The following ROBO2 variants were observed in gnomAD, a reference collection of about 807,000 sequenced individuals.
ROBO2 encodes the protein roundabout homolog 2.
ROBO2 carries 53 observed loss-of-function variants against 160.8 expected under a neutral mutation model. The ratio of observed to expected loss-of-function variants is 0.33; its 90% confidence interval spans 0.26 to 0.41. The LOEUF is 0.41. Among genes scored for constraint, ROBO2 ranks in the 10% least tolerant of loss-of-function variants. The probability of loss-of-function intolerance (pLI) is 1.00; values close to 1 mark genes in which losing one functional copy is unlikely to be tolerated. For missense variants in ROBO2, 1,577 were observed against 1,722.4 expected (o/e 0.92, Z 1.49); for synonymous variants, 664 against 611.7 (o/e 1.09, Z -1.26).
intron 2 of ROBO2, among the ~76,000 whole-genome samples, chr3:76,990,586 C>G (rs111562002): frequency 5.2e-3 from 793 of 152,222 alleles, no homozygotes; most frequent in Non-Finnish European, 9.7e-3. Flanking sequence ...CTCCCTCTGG[C>G]CCCCCAACAC....
At chr3:76,219,970 A>G (rs1290100822) in intron 2 of ROBO2, among the ~76,000 whole-genome samples, 5 of 152,028 alleles carry the variant, frequency 3.3e-5, no homozygotes, top group African/African-American at 1.2e-4. Flanking sequence ...AATGTGGCAC[A>G]TATACACCAT....
chr3:76,257,226 T>C (rs932345735), intron 2 of ROBO2, among the ~76,000 whole-genome samples: 27 of 152,180 alleles, frequency 1.8e-4, no homozygotes, highest in African/African-American at 5.5e-4. Context: ...AACCAAAATA[T>C]GCAATTGATC....
intron 2 of ROBO2, among the ~76,000 whole-genome samples, chr3:76,914,593 C>G (rs144020174): frequency 6.6e-6 from 1 of 152,036 alleles, no homozygotes; most frequent in Non-Finnish European, 1.5e-5. Context: ...TTCTCAGTAG[C>G]TTATAAGCTT....
At chr3:76,509,256 T>C (rs571019500) in intron 2 of ROBO2, among the ~76,000 whole-genome samples, 4 of 152,254 alleles carry the variant, frequency 2.6e-5, no homozygotes, top group African/African-American at 9.6e-5. Context: ...AGCCCCACTC[T>C]CTGAGAAAGA....
intron 2 of ROBO2, among the ~76,000 whole-genome samples, chr3:76,504,128 G>C (rs1341107730): frequency 6.6e-6 from 1 of 152,288 alleles, no homozygotes; most frequent in East Asian, 1.9e-4. Context: ...GGGTGGCACA[G>C]TATGTAATGA....
intron 2 of ROBO2, among the ~76,000 whole-genome samples, chr3:76,614,747 T>G (rs1290678364): frequency 6.6e-6 from 1 of 152,134 alleles, no homozygotes; most frequent in East Asian, 1.9e-4. Flanking sequence ...AAATTCAAAT[T>G]GGCTAATAAA....
At chr3:77,418,138 A>AT (rs200656727) in intron 2 of ROBO2, among the ~76,000 whole-genome samples, 4,173 of 147,008 alleles carry the variant, frequency 0.028, 89 homozygotes, top group East Asian at 0.08. Flanking sequence ...ACATCCTTAT[A>AT]TTTTTTTTAC....
At chr3:76,832,356 A>G (rs928278581) in intron 2 of ROBO2, among the ~76,000 whole-genome samples, 1 of 152,224 alleles carries the variant, frequency 6.6e-6, no homozygotes, top group African/African-American at 2.4e-5. Context: ...ACACTTATTA[A>G]TGGCAAAGAT....
intron 2 of ROBO2, among the ~76,000 whole-genome samples, chr3:75,964,619 T>C (rs960417933): frequency 6.6e-6 from 1 of 151,652 alleles, no homozygotes; most frequent in Non-Finnish European, 1.5e-5. Flanking sequence ...GCAGATGCTT[T>C]AGACAACATG....
At chr3:77,418,350 T>C (rs1255606974) in intron 2 of ROBO2, among the ~76,000 whole-genome samples, 2 of 152,160 alleles carry the variant, frequency 1.3e-5, no homozygotes, top group Admixed American at 1.3e-4. Flanking sequence ...GATGCATCCA[T>C]TTTCCAAATC....
At chr3:76,482,655 A>G (rs2079275750) in intron 2 of ROBO2, among the ~76,000 whole-genome samples, 1 of 152,122 alleles carries the variant, frequency 6.6e-6, no homozygotes, top group Non-Finnish European at 1.5e-5. Context: ...CATGTCATGT[A>G]TGGACAACTC....
intron 2 of ROBO2, among the ~76,000 whole-genome samples, chr3:76,649,443 T>C (rs1296579168): frequency 6.6e-6 from 1 of 152,086 alleles, no homozygotes; most frequent in African/African-American, 2.4e-5. Context: ...GATTCAGGTG[T>C]TGTTGCTGGT....
chr3:77,238,669 T>C (rs1223404761), intron 2 of ROBO2, among the ~76,000 whole-genome samples: 1 of 152,218 alleles, frequency 6.6e-6, no homozygotes, highest in Non-Finnish European at 1.5e-5. Context: ...GTTCATTTAG[T>C]AGGCTAAAGC....
chr3:76,776,132 T>C (rs976823888), intron 2 of ROBO2, among the ~76,000 whole-genome samples: 1 of 150,966 alleles, frequency 6.6e-6, no homozygotes, highest in African/African-American at 2.4e-5. Flanking sequence ...TTTGAGATTC[T>C]AACCAAAGCA....
chr3:76,973,467 A>G (rs2059668590), intron 2 of ROBO2, among the ~76,000 whole-genome samples: 1 of 152,094 alleles, frequency 6.6e-6, no homozygotes, highest in African/African-American at 2.4e-5. Flanking sequence ...TATCATAGAA[A>G]GAATAATTAT....
intron 2 of ROBO2, among the ~76,000 whole-genome samples, chr3:76,914,957 AAAGG>A (rs1389724584): frequency 1.3e-5 from 2 of 152,350 alleles, no homozygotes; most frequent in African/African-American, 4.8e-5. Context: ...AGGTGACTAT[AAAGG>A]AAGAATGAAA....
chr3:77,348,996 C>T (rs1037659081), intron 2 of ROBO2, among the ~76,000 whole-genome samples: 3 of 152,070 alleles, frequency 2.0e-5, no homozygotes, highest in African/African-American at 7.2e-5. Flanking sequence ...GCAATCCCCG[C>T]CTGCACCTGA....
chr3:77,204,958 C>T (rs1422296035), intron 2 of ROBO2, among the ~76,000 whole-genome samples: 1 of 152,208 alleles, frequency 6.6e-6, no homozygotes, highest in South Asian at 2.1e-4. Flanking sequence ...TGCGGCTGCT[C>T]AGACCCCTGA....
chr3:77,065,924 T>C (rs1326707874), intron 1 of ROBO2, among the ~76,000 whole-genome samples: 1 of 152,078 alleles, frequency 6.6e-6, no homozygotes, highest in Non-Finnish European at 1.5e-5. Context: ...GATACATCTG[T>C]TTTTGCAAAA....
Sources: gnomAD v4.1 joint callset for allele counts (sites outside exome capture counted in the v4.1 genomes callset) on GRCh38, gnomAD v4.1.1 for gene constraint, MANE v1.5 for transcripts, NCBI Gene and HGNC (gene_info 2026-07-23, HGNC 2026-07-21) for gene names.